MYL9: variants seen among roughly 807,000 people sequenced by gnomAD.
MYL9 encodes the protein myosin regulatory light polypeptide 9.
In MYL9, 7 loss-of-function variants were observed where a neutral mutation model predicts 12.8. The ratio of observed to expected loss-of-function variants is 0.55; its 90% CI spans 0.31 to 1.03. The LOEUF (loss-of-function observed/expected upper bound fraction) is 1.03. MYL9 is among the 50% of genes least tolerant of loss of function. The pLI, the probability that MYL9 is intolerant of heterozygous loss-of-function variation, is 0.05. For synonymous variants in MYL9, 81 were observed against 87.8 expected, an observed-to-expected ratio of 0.92 and a Z score of 0.43; for missense variants, 190 against 242.7, an observed-to-expected ratio of 0.78 and a Z score of 1.44.
intron 2 of MYL9, among the ~76,000 whole-genome samples, chr20:36,546,949 C>T (rs2038107971): frequency 6.6e-6 from 1 of 152,154 alleles, no homozygotes; most frequent in Non-Finnish European, 1.5e-5. Context: ...GGACTGAGGC[C>T]TGGTGAGAGA....
At position 36,550,367 on chromosome 20, in the gene MYL9, G is replaced by C. The variant is rs1003949292; in HGVS notation, c.*1118G>C. ...CTGTGTACGCAGGGCAGGCAGGGCCGGGACCCCTGCTACTGGTGGATGATG... is the reference window on the plus strand; with the variant it reads ...CTGTGTACGCAGGGCAGGCAGGGCCCGGACCCCTGCTACTGGTGGATGATG... On this transcript the variant is annotated 3_prime_UTR_variant, in exon 4 of 4. Transcript: ENST00000279022. The C allele has an allele frequency of 6.6e-6, 1 of 152,418 alleles. No individual in the cohort carries two copies. Among genetic ancestry groups the C allele is most frequent in the Non-Finnish European group, 1.5e-5 (1 of 68,266 alleles). The allele number at this position is 152,418 out of a possible 1,614,324, so 9.4% of individuals were successfully genotyped here.
At position 36,547,941 on chromosome 20, in the gene MYL9, G is replaced by A. The variant is rs2038120008; in HGVS notation, c.185-91G>A. Reference sequence around the variant, plus strand: ...TACCTCCCGTCTCACACGGAGCGGTGAAGGGCAGGGGTGGGGGACGGGGGT... The same window carrying A: ...TACCTCCCGTCTCACACGGAGCGGTAAAGGGCAGGGGTGGGGGACGGGGGT... On this transcript the variant is annotated intron_variant, in intron 2 of 3. Coordinates refer to ENST00000279022, the MANE Select transcript of MYL9 (RefSeq NM_006097.5). 9 of 1,419,406 alleles carry A rather than the reference G, an allele frequency of 6.3e-6. No individual in the cohort carries two copies. In the Admixed American group the frequency reaches 2.0e-4, roughly 32 times the overall value. 87.9% of individuals were successfully genotyped at this position (1,419,406 alleles called of 1,614,324 possible).
Position 36,543,160 on chromosome 20 carries a change from G to A in MYL9, c.-27+1599G>A, listed in dbSNP as rs1166934009. On this transcript the variant is annotated intron_variant, in intron 1 of 3. Coordinates refer to ENST00000279022, the MANE Select transcript of MYL9 (RefSeq NM_006097.5). The stretch of plus-strand genomic sequence containing the variant: ...AATGGCACTCCCAACTAGGTCATGG[G>A]TGAGAAGGAATTCTGTCTACCTTCC... Among the ~76,000 whole-genome samples, 5 of 152,252 alleles carry A rather than the reference G, an allele frequency of 3.3e-5. No individual in the cohort carries two copies. In the East Asian group the frequency reaches 9.6e-4, roughly 29 times the overall value.
chr20:36,544,518 T>C (rs1360667632), intron 1 of MYL9, among the ~76,000 whole-genome samples: 3 of 152,120 alleles, frequency 2.0e-5, no homozygotes, highest in African/African-American at 7.2e-5. Context: ...CCAAGCCCAA[T>C]CCTAAGTGTT....
chr20:36,551,007 T>G lies in MYL9; in HGVS notation c.*1758T>G, dbSNP rs1345322721. 1 of 152,336 alleles carries G rather than the reference T, an allele frequency of 6.6e-6. No homozygotes were observed. The highest frequency in any genetic ancestry group is 1.5e-5 in the Non-Finnish European group (1 of 68,252). 9.4% of individuals were successfully genotyped at this position (152,336 alleles called of 1,614,324 possible). ...CCACACATGCCCGACACCAGGGTCA[T>G]AAGGTCCTCTCAGCAGAGCCACTGC... On this transcript the variant is annotated 3_prime_UTR_variant, in exon 4 of 4. Coordinates refer to ENST00000279022, the MANE Select transcript of MYL9 (RefSeq NM_006097.5).
In MYL9 at chr20:36,545,083, G is replaced by C. The variant is rs773753820; in HGVS notation, c.184+15G>C. On this transcript the variant is annotated intron_variant, in intron 2 of 3. Transcript: ENST00000279022. ...GGCCTCGCTGGGTGAGCTGGGACAG[G>C]GACAGGGGTGAGATGGATGAGGCCA... The C allele has an allele frequency of 3.8e-5, 61 of 1,612,530 alleles. No individual in the cohort carries two copies. The highest frequency in any genetic ancestry group is 4.5e-5 in the Non-Finnish European group (53 of 1,179,064).
intron 3 of MYL9, among the ~76,000 whole-genome samples, chr20:36,548,420 T>A (rs1479487650): frequency 6.6e-6 from 1 of 152,210 alleles, no homozygotes; most frequent in Non-Finnish European, 1.5e-5. Context: ...CCAATGCACA[T>A]TCTCCATCTG....
At chr20:36,545,280 T>A (rs575579130) in intron 2 of MYL9, among the ~76,000 whole-genome samples, 8 of 146,484 alleles carry the variant, frequency 5.5e-5, no homozygotes, top group Non-Finnish European at 1.2e-4. Context: ...GGCGGATCAA[T>A]AGGTCAGGAG....
Position 36,549,320 on chromosome 20 carries a change from TCCCTG to T in MYL9, c.*75_*79del. ...CCCGCACACACCCGTCCATACCAGCTCCCTGCCCATGACCCTCGCTCAGGGATCCC... is the reference window on the plus strand; with the variant it reads ...CCCGCACACACCCGTCCATACCAGCTCCCATGACCCTCGCTCAGGGATCCC... On this transcript the variant is annotated 3_prime_UTR_variant, in exon 4 of 4. Transcript: ENST00000279022. The T allele has an allele frequency of 8.0e-7, 1 of 1,250,618 alleles. No homozygotes were observed. The highest frequency in any genetic ancestry group is 2.7e-5 in the East Asian group (1 of 36,668). The allele number at this position is 1,250,618 out of a possible 1,614,324, so 77.5% of individuals were successfully genotyped here.
At chr20:36,545,331 A>C (rs2038083569) in intron 2 of MYL9, among the ~76,000 whole-genome samples, 1 of 151,606 alleles carries the variant, frequency 6.6e-6, no homozygotes, top group African/African-American at 2.4e-5. Context: ...CCCTGACTCT[A>C]CTAAAAATAC....
chr20:36,543,225 C>G (rs1401890638), intron 1 of MYL9, among the ~76,000 whole-genome samples: 2 of 152,202 alleles, frequency 1.3e-5, no homozygotes, highest in Non-Finnish European at 2.9e-5. Flanking sequence ...GTGTGTCGGT[C>G]CGTGGGACAC....
Position 36,544,967 on chromosome 20 carries a change from A to AG in MYL9, c.84dup (p.Ser29ValfsTer7). 6.2e-7 allele frequency: 1 copy of AG among 1,614,032 alleles called. No individual in the cohort carries two copies. Among genetic ancestry groups the AG allele is most frequent in the South Asian group, 1.1e-5 (1 of 91,068 alleles). The stretch of plus-strand genomic sequence containing the variant: ...TCCAATGTCTTCGCAATGTTTGACC[A>AG]GTCCCAGATCCAGGAGTTTAAGGAG... On this transcript the variant is annotated frameshift_variant, in exon 2 of 4. Transcript: ENST00000279022. LOFTEE classifies it high-confidence loss of function.
intron 2 of MYL9, among the ~76,000 whole-genome samples, chr20:36,545,852 G>A (rs1055723589): frequency 5.9e-5 from 9 of 152,166 alleles, no homozygotes; most frequent in Middle Eastern, 3.4e-3. Flanking sequence ...CCTGGGAGGC[G>A]GAGTTTGCAG....
chr20:36,542,299 G>T (rs1160184798), intron 1 of MYL9, among the ~76,000 whole-genome samples: 2 of 152,276 alleles, frequency 1.3e-5, no homozygotes, highest in East Asian at 1.9e-4. Flanking sequence ...TGAGAAGGAG[G>T]CATCTGGCCT....
Position 36,546,424 on chromosome 20 carries a change from C to A in MYL9, c.184+1356C>A, listed in dbSNP as rs528169509. Among the ~76,000 whole-genome samples, 37 of 152,300 alleles carry A rather than the reference C, an allele frequency of 2.4e-4. No individual in the cohort carries two copies. In the Middle Eastern group the frequency reaches 0.01, roughly 42 times the overall value. On this transcript the variant is annotated intron_variant, in intron 2 of 3. Transcript: ENST00000279022. ...TAGGGCCCTGTGCACTTTCCTCTTCCTGTGAAATGGGGCCATGACCCTGAC... is the reference window on the plus strand; with the variant it reads ...TAGGGCCCTGTGCACTTTCCTCTTCATGTGAAATGGGGCCATGACCCTGAC...
At chr20:36,544,068 G>C (rs1192938558) in intron 1 of MYL9, among the ~76,000 whole-genome samples, 1 of 152,142 alleles carries the variant, frequency 6.6e-6, no homozygotes, top group African/African-American at 2.4e-5. Context: ...GGTCTGTATG[G>C]GACAGAAGAG....
Position 36,548,137 on chromosome 20 carries a change from C to T in MYL9, c.290C>T (p.Thr97Met), listed in dbSNP as rs772842148. The stretch of plus-strand genomic sequence containing the variant: ...ATGTTTGGGGAGAAGCTGAACGGCA[C>T]GGACCCCGAGGATGTGATTCGCAAC... Reference protein sequence around the residue: ...LTMFGEKLNGTDPEDVIRNAF... With the variant: ...LTMFGEKLNGMDPEDVIRNAF... Residue 97 changes from threonine (T) to methionine (M), a missense_variant, in exon 3 of 4, where the codon ACG (threonine) becomes ATG (methionine). By Grantham distance (81) the Thr-to-Met change is moderately conservative. Coordinates refer to ENST00000279022, the MANE Select transcript of MYL9 (RefSeq NM_006097.5). The T allele has an allele frequency of 3.1e-5, 50 of 1,613,842 alleles. No homozygotes were observed. Among genetic ancestry groups the T allele is most frequent in the East Asian group, 8.9e-5 (4 of 44,894 alleles).
chr20:36,542,697 G>A (rs1310833102), intron 1 of MYL9, among the ~76,000 whole-genome samples: 1 of 152,116 alleles, frequency 6.6e-6, no homozygotes, highest in Non-Finnish European at 1.5e-5. Context: ...TGTCTTCCAG[G>A]TGGCCCCTCC....
At chr20:36,547,999 G>A (rs763525351) in intron 2 of MYL9, 33 bp from the exon 3 acceptor site, 9 of 1,576,342 alleles carry the variant, frequency 5.7e-6, no homozygotes, top group Admixed American at 3.5e-5. Context: ...AGAGGGCCCA[G>A]GACCACAGGC....
Sources: gnomAD v4.1 joint callset for allele counts (sites outside exome capture counted in the v4.1 genomes callset) on GRCh38, gnomAD v4.1.1 for gene constraint, MANE v1.5 for transcripts, NCBI Gene and HGNC (gene_info 2026-07-23, HGNC 2026-07-21) for gene names.